The following RNF24 variants were observed in gnomAD, a reference collection of about 807,000 sequenced individuals.
The protein encoded by RNF24 is ring finger protein 24.
RNF24 carries 14 observed loss-of-function variants against 20.0 expected under a neutral mutation model. That is an observed-to-expected ratio of 0.70 (90% CI 0.46 to 1.10). The LOEUF (loss-of-function observed/expected upper bound fraction) is 1.10, where lower values mean the gene tolerates loss of function less well. Ranked by LOEUF, RNF24 falls within the 50% of genes least tolerant of loss-of-function variation. The pLI is 0.00. For synonymous variants in RNF24, 45 were observed against 61.1 expected (o/e 0.74, Z 1.23); for missense variants, 124 against 177.6 (o/e 0.70, Z 1.71).
intron 1 of RNF24, among the ~76,000 whole-genome samples, chr20:4,007,817 G>A (rs1056149528): frequency 2.6e-5 from 4 of 151,440 alleles, no homozygotes; most frequent in Admixed American, 1.3e-4. Context: ...TTGGGAGGTT[G>A]AGGTGGGAGG....
At chr20:3,992,508 C>T (rs1193919778) in intron 1 of RNF24, among the ~76,000 whole-genome samples, 1 of 150,322 alleles carries the variant, frequency 6.7e-6, no homozygotes, top group Non-Finnish European at 1.5e-5. Flanking sequence ...TACCTGGTAG[C>T]ACTTCAGTAT....
intron 1 of RNF24, among the ~76,000 whole-genome samples, chr20:3,975,033 T>G (rs866464298): frequency 6.6e-6 from 1 of 152,172 alleles, no homozygotes; most frequent in Non-Finnish European, 1.5e-5. Context: ...ATCAAGACAC[T>G]GATTGGTTTT....
At chr20:3,977,672 T>C (rs1163752491) in intron 1 of RNF24, among the ~76,000 whole-genome samples, 1 of 152,020 alleles carries the variant, frequency 6.6e-6, no homozygotes, top group East Asian at 1.9e-4. Flanking sequence ...GAGACCATCC[T>C]GGCTAACACG....
At chr20:3,987,066 C>T (rs1045332335) in intron 1 of RNF24, among the ~76,000 whole-genome samples, 2 of 152,196 alleles carry the variant, frequency 1.3e-5, no homozygotes, top group African/African-American at 4.8e-5. Flanking sequence ...AGCCACAACT[C>T]CCAGCCCTAT....
chr20:4,009,692 A>G (rs1600727436), intron 1 of RNF24, among the ~76,000 whole-genome samples: 3 of 152,266 alleles, frequency 2.0e-5, no homozygotes, highest in Admixed American at 2.0e-4. Context: ...TCTTATTAAG[A>G]TTCAATGGTA....
At chr20:3,953,050 T>C (rs562114412) in intron 2 of RNF24, among the ~76,000 whole-genome samples, 1 of 152,336 alleles carries the variant, frequency 6.6e-6, no homozygotes, top group African/African-American at 2.4e-5. Context: ...ACTTTTATTC[T>C]CTGGAAGTGT....
intron 4 of RNF24, among the ~76,000 whole-genome samples, chr20:3,943,401 G>A (rs534916947): frequency 2.1e-4 from 32 of 151,578 alleles, no homozygotes; most frequent in African/African-American, 4.8e-4. Flanking sequence ...AAAAGAATGA[G>A]GTTGGAAGAA....
chr20:4,015,114 G>A (rs1372823955), intron 1 of RNF24: 1 of 152,416 alleles, frequency 6.6e-6, no homozygotes, highest in Non-Finnish European at 1.5e-5. Flanking sequence ...GCCAGGGCTT[G>A]GGCGAGCAGG....
At chr20:3,969,717 C>T (rs2147000786) in intron 1 of RNF24, among the ~76,000 whole-genome samples, 1 of 152,120 alleles carries the variant, frequency 6.6e-6, no homozygotes, top group Admixed American at 6.5e-5. Context: ...ACGAGATGCC[C>T]CCCAGCCATC....
intron 1 of RNF24, among the ~76,000 whole-genome samples, chr20:3,982,137 A>ATCTCTCTCTCTCTCTCTCTC (rs1979464536): frequency 1.2e-5 from 1 of 82,988 alleles, no homozygotes; most frequent in Non-Finnish European, 2.5e-5. Flanking sequence ...CTCTCTCTCA[A>ATCTCTCTCTCTCTCTCTCTC]TAAATAAATA....
rs752077084 is a variant in RNF24, at chr20:3,964,044, T to C, written c.-7-20A>G. ...GATGAACTGTGGGGGAAGAAAAGAATGGAAAAAAAATAGGTAAAGACTAAG... is the reference window on the plus strand; with the variant it reads ...GATGAACTGTGGGGGAAGAAAAGAACGGAAAAAAAATAGGTAAAGACTAAG... On this transcript the variant is annotated intron_variant, in intron 1 of 5. Coordinates refer to ENST00000358395, the MANE Select transcript of RNF24 (RefSeq NM_001134337.3). 20 of 1,602,724 alleles carry C rather than the reference T, an allele frequency of 1.2e-5. No homozygotes were observed. Among genetic ancestry groups the C allele is most frequent in the Non-Finnish European group, 1.6e-5 (19 of 1,176,292 alleles).
chr20:3,974,548 T>C (rs1978690523), intron 1 of RNF24: 1 of 680,128 alleles, frequency 1.5e-6, no homozygotes, highest in Non-Finnish European at 2.2e-6. Context: ...AATAAATGAG[T>C]TCAGCAAGGT....
rs556910393 is a variant in RNF24 at position 3,955,135 on chromosome 20, C to T, written c.144-6856G>A. On this transcript the variant is annotated intron_variant, in intron 2 of 5. Coordinates refer to ENST00000358395, the MANE Select transcript of RNF24 (RefSeq NM_001134337.3). ...ATAATGTCAAACATCTTTTCATGTG[C>T]TTGTTGGCCATTTGTGTAACTTCTT... Among the ~76,000 whole-genome samples, 8 of 152,076 alleles carry T rather than the reference C, an allele frequency of 5.3e-5. No homozygotes were observed. In the South Asian group the frequency reaches 1.7e-3, roughly 32 times the overall value.
At position 3,933,078 on chromosome 20, in the gene RNF24, T is replaced by C; in HGVS notation, c.*985A>G. The stretch of plus-strand genomic sequence containing the variant: ...GAATGACAGGCTTTTTTTTTTTTTT[T>C]TTTTTTTTTCTGAAGTAGAAAGAGA... On this transcript the variant is annotated 3_prime_UTR_variant, in exon 6 of 6. Coordinates refer to ENST00000358395, the MANE Select transcript of RNF24 (RefSeq NM_001134337.3). 1 of 395,576 alleles carries C rather than the reference T, an allele frequency of 2.5e-6. No individual in the cohort carries two copies. The highest frequency in any genetic ancestry group is 1.3e-4 in the South Asian group (1 of 7,636). The allele number at this position is 395,576 out of a possible 1,614,324, so 24.5% of individuals were successfully genotyped here.
At position 3,928,410 on chromosome 20, in the gene RNF24, C is replaced by A. The variant is rs964004006; in HGVS notation, c.*5653G>T. 6 of 152,050 alleles carry A rather than the reference C, an allele frequency of 3.9e-5. No homozygotes were observed. Among genetic ancestry groups the A allele is most frequent in the Admixed American group, 1.3e-4 (2 of 15,252 alleles). 9.4% of individuals were successfully genotyped at this position (152,050 alleles called of 1,614,324 possible). On this transcript the variant is annotated 3_prime_UTR_variant, in exon 6 of 6. Coordinates refer to ENST00000358395, the MANE Select transcript of RNF24 (RefSeq NM_001134337.3). ...GTCTGTGCCCCTACTCCCAGGGCTG[C>A]CTGGAGGAAGCAGCTCTAACTTTCA...
At position 3,931,415 on chromosome 20, in the gene RNF24, ACTGT is replaced by A. The variant is rs1473268159; in HGVS notation, c.*2644_*2647del. 6 of 152,208 alleles carry A rather than the reference ACTGT, an allele frequency of 3.9e-5. No individual in the cohort carries two copies. The highest frequency in any genetic ancestry group is 2.4e-5 in the African/African-American group (1 of 41,450). The allele number at this position is 152,208 out of a possible 1,614,324, so 9.4% of individuals were successfully genotyped here. ...CTTTTTCAAAATAAATAAAAAAAGG[ACTGT>A]CTTTCAAACAAAAACCCTGCGATTT... On this transcript the variant is annotated 3_prime_UTR_variant, in exon 6 of 6. Coordinates refer to ENST00000358395, the MANE Select transcript of RNF24 (RefSeq NM_001134337.3).
chr20:3,978,257 T>TGG (rs899431248), intron 1 of RNF24, among the ~76,000 whole-genome samples: 1 of 151,980 alleles, frequency 6.6e-6, no homozygotes. Flanking sequence ...AGGCCGGTCT[T>TGG]GAAGTCCTGA....
chr20:4,008,806 A>T (rs1982196283), intron 1 of RNF24, among the ~76,000 whole-genome samples: 1 of 151,664 alleles, frequency 6.6e-6, no homozygotes, highest in South Asian at 2.1e-4. Flanking sequence ...TGACCTCCCA[A>T]AGTGCTGGGA....
rs1229191210 is a variant in RNF24 at position 3,931,902 on chromosome 20, CGGG to C, written c.*2158_*2160del. ...CCTCAACATGCCTGTGGCTCTGACA[CGGG>C]GGGATGAATTAACTTGCCTCTGTTC... On this transcript the variant is annotated 3_prime_UTR_variant, in exon 6 of 6. Transcript: ENST00000358395. 6.6e-6 allele frequency: 1 copy of C among 152,140 alleles called. No individual in the cohort carries two copies. The highest frequency in any genetic ancestry group is 2.4e-5 in the African/African-American group (1 of 41,414). The allele number at this position is 152,140 out of a possible 1,614,324, so 9.4% of individuals were successfully genotyped here.
Sources: gnomAD v4.1 joint callset for allele counts (sites outside exome capture counted in the v4.1 genomes callset) on GRCh38, gnomAD v4.1.1 for gene constraint, MANE v1.5 for transcripts, NCBI Gene and HGNC (gene_info 2026-07-23, HGNC 2026-07-21) for gene names.